NRG1: variants seen among roughly 807,000 people sequenced by gnomAD.
The protein encoded by NRG1 is neuregulin 1.
Under a neutral mutation model 63.8 loss-of-function variants are expected in NRG1, and 18 were observed. The ratio of observed to expected loss-of-function variants is 0.28; its 90% confidence interval spans 0.19 to 0.42. The LOEUF is 0.42. Ranked by LOEUF, NRG1 falls within the 10% of genes least tolerant of loss-of-function variation. NRG1 has a pLI of 1.00. For missense variants in NRG1, 762 were observed against 814.7 expected (o/e 0.94, Z 0.79); for synonymous variants, 302 against 301.3 (o/e 1.00, Z -0.02).
Position 32,240,603 on chromosome 8 carries a change from C to T in NRG1, c.38-355225C>T, listed in dbSNP as rs545957800. On this transcript the variant is annotated intron_variant, in intron 1 of 10. Coordinates refer to the NRG1 transcript ENST00000519301. Reference sequence around the variant, plus strand: ...CAGAGAAACTTATTTTGGTGGATTCCGTAAATGTCAAATCTTTGGTTATGA... The same window carrying T: ...CAGAGAAACTTATTTTGGTGGATTCTGTAAATGTCAAATCTTTGGTTATGA... Among the ~76,000 whole-genome samples the T allele has an allele frequency of 5.9e-5, 9 of 151,914 alleles. No homozygotes were observed. In the South Asian group the frequency reaches 6.2e-4, roughly 11 times the overall value.
At chr8:32,056,523 C>T (rs1221037545) in intron 1 of NRG1, among the ~76,000 whole-genome samples, 1 of 152,158 alleles carries the variant, frequency 6.6e-6, no homozygotes, top group Non-Finnish European at 1.5e-5. Context: ...ATATTTCAGC[C>T]TTCCAGCCCT....
At chr8:32,372,157 T>A (rs2129482802) in intron 1 of NRG1, among the ~76,000 whole-genome samples, 1 of 151,956 alleles carries the variant, frequency 6.6e-6, no homozygotes, top group African/African-American at 2.4e-5. Flanking sequence ...CCAGGCTAAT[T>A]TTTGTATTTT....
intron 1 of NRG1, among the ~76,000 whole-genome samples, chr8:32,067,575 A>G (rs7001828): frequency 0.98 from 148,589 of 152,188 alleles, 72,637 homozygotes; most frequent in East Asian, 1. Flanking sequence ...TTGATGTGCT[A>G]CTGGATTTGG....
At chr8:32,249,059 T>C (rs1292509970) in intron 1 of NRG1, among the ~76,000 whole-genome samples, 4 of 152,110 alleles carry the variant, frequency 2.6e-5, no homozygotes, top group African/African-American at 9.7e-5. Context: ...ATATAAATGG[T>C]TATTTATTTC....
intron 1 of NRG1, among the ~76,000 whole-genome samples, chr8:32,354,238 G>A (rs891157086): frequency 2.0e-5 from 3 of 151,990 alleles, no homozygotes; most frequent in Admixed American, 2.0e-4. Context: ...GCGTGGTGAT[G>A]AGTGCCTGTA....
At chr8:32,209,762 CTTCCTTCCTTCCTTCT>C (rs1844485815) in intron 1 of NRG1, among the ~76,000 whole-genome samples, 2 of 126,746 alleles carry the variant, frequency 1.6e-5, no homozygotes, top group South Asian at 4.8e-4. Context: ...TCCTTCCTTC[CTTCCTTCCTTCCTTCT>C]TACTTTCTTT....
At chr8:31,810,184 A>G (rs1822748240) in intron 1 of NRG1, among the ~76,000 whole-genome samples, 3 of 152,092 alleles carry the variant, frequency 2.0e-5, no homozygotes, top group Admixed American at 2.0e-4. Context: ...ACCACTCCCC[A>G]GCTACATCCC....
At chr8:31,639,943 G>C in intron 1 of NRG1, 1 of 1,122,270 alleles carries the variant, frequency 8.9e-7, no homozygotes, top group Middle Eastern at 2.4e-4. Flanking sequence ...GAGCCGGGCA[G>C]AGTCCGAACC....
At chr8:32,325,451 G>GCA (rs1801882618) in intron 1 of NRG1, among the ~76,000 whole-genome samples, 2 of 152,178 alleles carry the variant, frequency 1.3e-5, no homozygotes, top group African/African-American at 4.8e-5. Context: ...GCACAAACGT[G>GCA]GCTCACTGCA....
chr8:31,661,038 C>G (rs1435704478), intron 1 of NRG1, among the ~76,000 whole-genome samples: 1 of 152,022 alleles, frequency 6.6e-6, no homozygotes, highest in Non-Finnish European at 1.5e-5. Context: ...GATTCTTGTT[C>G]TTGTTGTAAT....
At chr8:32,295,424 A>C (rs912315372) in intron 1 of NRG1, among the ~76,000 whole-genome samples, 1 of 152,166 alleles carries the variant, frequency 6.6e-6, no homozygotes, top group African/African-American at 2.4e-5. Flanking sequence ...GCTTTACAAT[A>C]ATCTCTACTA....
At chr8:32,145,032 T>C (rs1484668434) in intron 1 of NRG1, among the ~76,000 whole-genome samples, 1 of 152,222 alleles carries the variant, frequency 6.6e-6, no homozygotes, top group East Asian at 1.9e-4. Context: ...AGATCTTATA[T>C]TTGACTGAGG....
At position 32,616,639 on chromosome 8, in the gene NRG1, C is replaced by T. The variant is rs541213776; in HGVS notation, c.452-196C>T. Among the ~76,000 whole-genome samples the T allele has an allele frequency of 2.0e-5, 3 of 152,176 alleles. No homozygotes were observed. The East Asian group carries it at 5.8e-4, about 29-fold the overall frequency. On this transcript the variant is annotated intron_variant, in intron 4 of 11. Coordinates refer to ENST00000356819, the Ensembl canonical transcript of NRG1. ...CTCCATTTTCATCCCTTTTAAAAGT[C>T]TTTGGGTCTAGACTATGGTAATATT...
intron 1 of NRG1, among the ~76,000 whole-genome samples, chr8:32,346,886 G>A (rs1298910916): frequency 1.3e-5 from 2 of 151,110 alleles, no homozygotes; most frequent in Non-Finnish European, 2.9e-5. Context: ...CTGGAGTGCA[G>A]TGGCGTGATC....
At chr8:32,563,142 T>C (rs1030248435) in intron 1 of NRG1, among the ~76,000 whole-genome samples, 4 of 152,206 alleles carry the variant, frequency 2.6e-5, no homozygotes, top group African/African-American at 7.2e-5. Context: ...TTTTTTCCAG[T>C]TCATCAGCTG....
At chr8:32,183,798 C>T (rs1841686067) in intron 1 of NRG1, among the ~76,000 whole-genome samples, 1 of 152,220 alleles carries the variant, frequency 6.6e-6, no homozygotes, top group Non-Finnish European at 1.5e-5. Flanking sequence ...TCATTAGCCA[C>T]TTCAGATAGG....
chr8:31,782,073 T>C (rs563338989), intron 1 of NRG1, among the ~76,000 whole-genome samples: 6 of 152,240 alleles, frequency 3.9e-5, no homozygotes, highest in Admixed American at 3.3e-4. Context: ...CTGCAATTGG[T>C]ACATGTGTTC....
At chr8:32,606,153 A>G (rs1420451724) in intron 3 of NRG1, among the ~76,000 whole-genome samples, 1 of 148,560 alleles carries the variant, frequency 6.7e-6, no homozygotes, top group Non-Finnish European at 1.5e-5. Flanking sequence ...TGTATTATAT[A>G]TGTATTATGT....
intron 1 of NRG1, among the ~76,000 whole-genome samples, chr8:31,709,253 T>C (rs1811497443): frequency 6.6e-6 from 1 of 151,902 alleles, no homozygotes; most frequent in Non-Finnish European, 1.5e-5. Context: ...AATTATCTTG[T>C]GCTGTATCTC....
Sources: gnomAD v4.1 joint callset for allele counts (sites outside exome capture counted in the v4.1 genomes callset) on GRCh38, gnomAD v4.1.1 for gene constraint, MANE v1.5 for transcripts, NCBI Gene and HGNC (gene_info 2026-07-23, HGNC 2026-07-21) for gene names.